LIMCH1: variants seen among roughly 807,000 people sequenced by gnomAD.
The protein encoded by LIMCH1 is LIM and calponin homology domains 1.
In LIMCH1, 113 loss-of-function variants were observed where a neutral mutation model predicts 176.5. The ratio of observed to expected loss-of-function variants is 0.64; its 90% CI spans 0.55 to 0.75. The LOEUF is 0.75. Among genes scored for constraint, LIMCH1 ranks in the 30% least tolerant of loss-of-function variants. The pLI is 0.00. For synonymous variants in LIMCH1, 619 were observed against 645.9 expected (o/e 0.96, Z 0.63); for missense variants, 1,674 against 1,814.9 (o/e 0.92, Z 1.41).
chr4:41,360,260 G>T (rs894469117), upstream of LIMCH1, among the ~76,000 whole-genome samples: 2 of 147,882 alleles, frequency 1.4e-5, no homozygotes, highest in Non-Finnish European at 3.0e-5. The surrounding 1 kb of genome is among the most constrained non-coding windows in gnomAD (Gnocchi z 4.5). Flanking sequence ...GGGCTGCCCC[G>T]CCTTGCCCCT....
intron 1 of LIMCH1, among the ~76,000 whole-genome samples, chr4:41,367,106 G>GC (rs1236241386): frequency 6.6e-6 from 1 of 152,106 alleles, no homozygotes; most frequent in Non-Finnish European, 1.5e-5. Context: ...TGGGGTAACC[G>GC]CCCCCGTGAT....
Position 41,679,989 on chromosome 4 carries a change from T to C in LIMCH1, c.3520-17T>C. 1 of 1,581,518 alleles carries C rather than the reference T, an allele frequency of 6.3e-7. No homozygotes were observed. Among genetic ancestry groups the C allele is most frequent in the Non-Finnish European group, 8.7e-7 (1 of 1,155,828 alleles). ...GCAATGGTCAGTTGAGAACAATCTA[T>C]GGAAATTCCATAACAGGAGAGATAC... is the stretch of plus-strand genomic sequence containing the variant. On this transcript the variant is annotated splice_polypyrimidine_tract_variant and intron_variant, in intron 23 of 31. Transcript: ENST00000503057.
At chr4:41,428,686 C>A (rs143401075) in intron 1 of LIMCH1, among the ~76,000 whole-genome samples, 538 of 152,344 alleles carry the variant, frequency 3.5e-3, no homozygotes, top group Non-Finnish European at 5.1e-3. Context: ...CAGAAATGCA[C>A]AGACTGGTTT....
At chr4:41,566,444 A>G (rs2082784842) in intron 1 of LIMCH1, among the ~76,000 whole-genome samples, 1 of 152,116 alleles carries the variant, frequency 6.6e-6, no homozygotes, top group Admixed American at 6.5e-5. Flanking sequence ...TGAGGTTTTG[A>G]ATGTGGGAAA....
chr4:41,627,590 GT>G (rs2093051745), intron 8 of LIMCH1, among the ~76,000 whole-genome samples: 1 of 152,174 alleles, frequency 6.6e-6, no homozygotes, highest in Non-Finnish European at 1.5e-5. Flanking sequence ...TATATGTTCT[GT>G]CATAGAAATT....
At chr4:41,487,498 C>T (rs1359137445) in intron 1 of LIMCH1, among the ~76,000 whole-genome samples, 1 of 152,108 alleles carries the variant, frequency 6.6e-6, no homozygotes, top group Non-Finnish European at 1.5e-5. Context: ...GATCAGACTA[C>T]ATCTTGGGGG....
At chr4:41,694,298 C>T (rs944515088) in intron 31 of LIMCH1, among the ~76,000 whole-genome samples, 1 of 152,144 alleles carries the variant, frequency 6.6e-6, no homozygotes, top group Non-Finnish European at 1.5e-5. Flanking sequence ...TTCAGAAAGA[C>T]ACCACATTAA....
chr4:41,497,553 C>T (rs1362910801), intron 2 of LIMCH1, among the ~76,000 whole-genome samples: 1 of 152,142 alleles, frequency 6.6e-6, no homozygotes, highest in African/African-American at 2.4e-5. Context: ...CCTGTAATCC[C>T]AGCACTTTGG....
Position 41,598,903 on chromosome 4 carries a change from T to A in LIMCH1, c.-240-17T>A. The A allele has an allele frequency of 6.7e-7, 1 of 1,496,974 alleles. No individual in the cohort carries two copies. The highest frequency in any genetic ancestry group is 1.7e-4 in the Middle Eastern group (1 of 5,802). 92.7% of individuals were successfully genotyped at this position (1,496,974 alleles called of 1,614,324 possible). A position where few individuals can be genotyped will look rare whatever the true frequency, so the allele number is the denominator to read the frequency against. ...ATCTAAGATAATATAGACTTATATTTCTTTTTTTCCTTCTAGGACAATATT... is the reference window on the plus strand; with the variant it reads ...ATCTAAGATAATATAGACTTATATTACTTTTTTTCCTTCTAGGACAATATT... On this transcript the variant is annotated splice_polypyrimidine_tract_variant and intron_variant, in intron 1 of 31. Coordinates refer to ENST00000503057, the MANE Select transcript of LIMCH1 (RefSeq NM_001330672.2).
At chr4:41,605,458 C>T (rs2090565500) in intron 3 of LIMCH1, among the ~76,000 whole-genome samples, 1 of 152,184 alleles carries the variant, frequency 6.6e-6, no homozygotes, top group South Asian at 2.1e-4. Flanking sequence ...AGCGGAACCT[C>T]TGTGCCCACA....
At chr4:41,387,617 C>T (rs1158346612) in intron 1 of LIMCH1, among the ~76,000 whole-genome samples, 2 of 152,228 alleles carry the variant, frequency 1.3e-5, no homozygotes, top group South Asian at 4.1e-4. Flanking sequence ...TCTGTGCATA[C>T]GCACCTCTGG....
intron 1 of LIMCH1, among the ~76,000 whole-genome samples, chr4:41,417,424 C>T (rs1369545182): frequency 6.6e-6 from 1 of 152,142 alleles, no homozygotes; most frequent in African/African-American, 2.4e-5. Context: ...CAATCAGAAG[C>T]AAGCTGAAGA....
chr4:41,418,305 G>A (rs916401151), intron 1 of LIMCH1, among the ~76,000 whole-genome samples: 1 of 152,208 alleles, frequency 6.6e-6, no homozygotes, highest in African/African-American at 2.4e-5. Context: ...TAGATTGTAT[G>A]GAAGTTGTAA....
At chr4:41,561,010 G>A (rs776749533) in intron 1 of LIMCH1, among the ~76,000 whole-genome samples, 6 of 152,038 alleles carry the variant, frequency 3.9e-5, no homozygotes, top group South Asian at 4.2e-4. Flanking sequence ...GAGTGAGACC[G>A]TGTCTCAAAA....
chr4:41,435,458 T>C (rs2061992457), intron 1 of LIMCH1, among the ~76,000 whole-genome samples: 1 of 152,188 alleles, frequency 6.6e-6, no homozygotes, highest in South Asian at 2.1e-4. Flanking sequence ...AGAGTCAATT[T>C]GTATGGTTTT....
intron 1 of LIMCH1, among the ~76,000 whole-genome samples, chr4:41,550,958 C>T (rs2080321387): frequency 6.6e-6 from 1 of 152,158 alleles, no homozygotes; most frequent in Non-Finnish European, 1.5e-5. Context: ...TGATTAATTA[C>T]AAAGCTTTTA....
At chr4:41,447,167 C>G (rs539820605) in intron 1 of LIMCH1, among the ~76,000 whole-genome samples, 6 of 152,324 alleles carry the variant, frequency 3.9e-5, no homozygotes, top group African/African-American at 1.4e-4. Context: ...GAGCTTGAGG[C>G]TGCAGTGAGC....
intron 25 of LIMCH1, 45 bp from the exon 26 acceptor site, chr4:41,682,288 G>A: frequency 6.6e-7 from 1 of 1,511,484 alleles, no homozygotes; most frequent in African/African-American, 1.4e-5. Context: ...GTTATACAGT[G>A]TTTTTAAAAT....
intron 1 of LIMCH1, among the ~76,000 whole-genome samples, chr4:41,439,853 G>T (rs1054340316): frequency 4.6e-5 from 7 of 152,014 alleles, no homozygotes; most frequent in Non-Finnish European, 1.0e-4. Flanking sequence ...GCAGTGAGCC[G>T]AGATCATGCC....
Sources: gnomAD v4.1 joint callset for allele counts (sites outside exome capture counted in the v4.1 genomes callset) on GRCh38, gnomAD v4.1.1 for gene constraint, Gnocchi (gnomAD v3.1) non-coding constraint, MANE v1.5 for transcripts, NCBI Gene and HGNC (gene_info 2026-07-23, HGNC 2026-07-21) for gene names.